NDRG2: variants seen among roughly 807,000 people sequenced by gnomAD.
NDRG2 encodes NDRG family member 2, also known as protein NDRG2.
Under a neutral mutation model 58.2 loss-of-function variants are expected in NDRG2, and 34 were observed. The observed-to-expected ratio is 0.58, with a 90% CI of 0.44 to 0.78. The LOEUF is 0.78. Ranked by LOEUF, NDRG2 falls within the 30% of genes least tolerant of loss-of-function variation. The probability of loss-of-function intolerance (pLI) is 0.00; values close to 1 mark genes in which losing one functional copy is unlikely to be tolerated. For synonymous variants in NDRG2, 187 were observed against 175.9 expected (o/e 1.06, Z -0.50); for missense variants, 434 against 471.2 (o/e 0.92, Z 0.73).
intron 13 of NDRG2, 53 bp from the exon 14 acceptor site, chr14:21,018,292 G>A: frequency 6.2e-7 from 1 of 1,612,016 alleles, no homozygotes; most frequent in Non-Finnish European, 8.5e-7. Context: ...AATGAGCCAT[G>A]CAGAGAGGTG....
chr14:21,018,769 A>G lies in NDRG2; in HGVS notation c.807T>C (p.Asp269=), dbSNP rs1217218506. ...CCCAAAATTCCCTACTAACCACTGC[A>G]TCTTCATGAGGTGCTTGGTCTCCTA... ...LVVGDQAPHE[D]AVVECNSKLD... The change falls in exon 12 of 16, where the codon GAT becomes GAC. Residue 269 remains aspartate (D), a synonymous_variant. Coordinates refer to ENST00000556147, the MANE Select transcript of NDRG2 (RefSeq NM_001320329.2). 6.2e-7 allele frequency: 1 copy of G among 1,614,102 alleles called. No individual in the cohort carries two copies. The highest frequency in any genetic ancestry group is 1.1e-5 in the South Asian group (1 of 91,084).
chr14:21,030,856 C>A (rs780896886), intron 1 of NDRG2: 20 of 1,513,456 alleles, frequency 1.3e-5, no homozygotes, highest in Non-Finnish European at 1.7e-5. Context: ...GCCTACCAAG[C>A]ACCACAGGGT....
chr14:21,056,133 A>T (rs1011862167), intron 1 of NDRG2, among the ~76,000 whole-genome samples: 1 of 152,126 alleles, frequency 6.6e-6, no homozygotes, highest in Non-Finnish European at 1.5e-5. Flanking sequence ...TTTGGAGAGC[A>T]CTTTATCCCA....
chr14:21,032,073 A>G, intron 1 of NDRG2: 1 of 1,611,208 alleles, frequency 6.2e-7, no homozygotes, highest in Non-Finnish European at 8.5e-7. Flanking sequence ...AAGAAGACCA[A>G]GTAGAGAGGA....
At chr14:21,034,384 A>G in intron 1 of NDRG2, 1 of 838,426 alleles carries the variant, frequency 1.2e-6, no homozygotes, top group Non-Finnish European at 1.9e-6. Flanking sequence ...CCAACCCAAC[A>G]GTACTTTAGA....
intron 1 of NDRG2, among the ~76,000 whole-genome samples, chr14:21,054,335 TACACAC>T (rs3061929): frequency 2.6e-3 from 386 of 150,018 alleles, no homozygotes; most frequent in African/African-American, 8.2e-3. Context: ...AAAGAGATAA[TACACAC>T]ACACACACAC....
chr14:21,020,654 A>G (rs1879656129), intron 7 of NDRG2, 72 bp from the exon 8 acceptor site: 2 of 1,577,496 alleles, frequency 1.3e-6, no homozygotes, highest in Non-Finnish European at 1.7e-6. Context: ...AGCTCGACCC[A>G]CTCCTGGACT....
In NDRG2 at chr14:21,017,542, G is replaced by A. The variant is rs1401277494; in HGVS notation, c.*54C>T. On this transcript the variant is annotated 3_prime_UTR_variant, in exon 16 of 16. Coordinates refer to ENST00000556147, the MANE Select transcript of NDRG2 (RefSeq NM_001320329.2). ...CCAATGCCCCTTCAGCACCTCCCAG[G>A]TTAGCTCTGGGGGAGGTGAGGGCTG... The A allele has an allele frequency of 2.5e-6, 4 of 1,570,382 alleles. No homozygotes were observed. The highest frequency in any genetic ancestry group is 1.3e-5 in the African/African-American group (1 of 74,280).
chr14:21,058,525 C>T lies in NDRG2; in HGVS notation c.24+12303G>A, dbSNP rs113660993. 2,979 of 604,024 alleles carry T rather than the reference C, an allele frequency of 4.9e-3. 66 individuals are homozygous for T. Among genetic ancestry groups the T allele is most frequent in the African/African-American group, 0.048 (2,577 of 54,036 alleles). The allele number at this position is 604,024 out of a possible 1,614,324, so 37.4% of individuals were successfully genotyped here. A position where few individuals can be genotyped will look rare whatever the true frequency, so the allele number is the denominator to read the frequency against. On this transcript the variant is annotated intron_variant, in intron 1 of 14. Coordinates refer to the NDRG2 transcript ENST00000403829. ...TAGGGAGTTTTACAGACGCTCCAAA[C>T]GATGAAAGAAGAGGGCAGATTCTCT...
At chr14:21,041,278 G>A (rs779655162) in intron 1 of NDRG2, among the ~76,000 whole-genome samples, 6 of 152,016 alleles carry the variant, frequency 3.9e-5, no homozygotes, top group Non-Finnish European at 7.4e-5. Flanking sequence ...TACAGGTGTG[G>A]GCCACCGTAC....
At chr14:21,025,116 C>T (rs923689487), upstream of NDRG2, 54 of 984,264 alleles carry the variant, frequency 5.5e-5, no homozygotes, top group East Asian at 5.4e-3. The surrounding 1 kb of genome is among the most constrained non-coding windows in gnomAD (Gnocchi z 5.1). Context: ...GCCCCCGGCC[C>T]GCCCCAGCCC....
intron 1 of NDRG2, chr14:21,023,616 C>T (rs1882087349): frequency 2.6e-6 from 1 of 377,562 alleles, no homozygotes; most frequent in African/African-American, 2.0e-5. Context: ...GACCAAAATA[C>T]CAGGGTGGGG....
At chr14:21,025,107 C>CCCCCGGCCCG (rs1883201016), upstream of NDRG2, 2 of 984,958 alleles carry the variant, frequency 2.0e-6, no homozygotes, top group Non-Finnish European at 2.4e-6. This position sits in a 1 kb window ranked among gnomAD's most constrained non-coding sequence, Gnocchi z 5.1. Context: ...CGCAGACCCG[C>CCCCCGGCCCG]CCCCGGCCCG....
chr14:21,020,379 C>A, intron 8 of NDRG2, 117 bp downstream of exon 8: 1 of 761,232 alleles, frequency 1.3e-6, no homozygotes, highest in Middle Eastern at 2.4e-4. Flanking sequence ...CTTTCCTGCC[C>A]CTTTACTCCC....
chr14:21,021,559 G>A, intron 6 of NDRG2: 1 of 498,408 alleles, frequency 2.0e-6, no homozygotes, highest in Middle Eastern at 5.3e-4. Flanking sequence ...GATCAGAGAA[G>A]GCCCTCCTTA....
chr14:21,037,006 A>G (rs1394439831), intron 1 of NDRG2, among the ~76,000 whole-genome samples: 3 of 152,066 alleles, frequency 2.0e-5, no homozygotes, highest in Non-Finnish European at 4.4e-5. Context: ...GAATCATGCC[A>G]CCTCTTCCCT....
chr14:21,022,078 G>C lies in NDRG2; in HGVS notation c.328C>G (p.Pro110Ala), dbSNP rs576619020. 2 of 1,614,108 alleles carry C rather than the reference G, an allele frequency of 1.2e-6. No homozygotes were observed. Among genetic ancestry groups the C allele is most frequent in the South Asian group, 2.2e-5 (2 of 91,078 alleles). Residue 110 changes from proline to alanine, a missense_variant, in exon 5 of 16, where the codon CCT becomes GCT. Pro to Ala is a conservative substitution (Grantham distance 27, BLOSUM62 -1). Transcript: ENST00000556147. ...VDAPGMEEGA[P>A]VFPLGYQYPS... ...AACTCTTACCCCAAAGGGAACACAG[G>C]GGCTCCCTCTTCCATTCCAGGGGCA...
chr14:21,036,085 G>T, intron 1 of NDRG2: 2 of 411,234 alleles, frequency 4.9e-6, no homozygotes, highest in East Asian at 7.1e-5. Flanking sequence ...ACCAGTGCCC[G>T]GCACATGGTG....
At chr14:21,020,055 G>T in intron 8 of NDRG2, 79 bp from the exon 9 acceptor site, 1 of 1,349,626 alleles carries the variant, frequency 7.4e-7, no homozygotes, top group Non-Finnish European at 1.1e-6. Context: ...CAGCACTTTG[G>T]GAGGCCGAGG....
Sources: gnomAD v4.1 joint callset for allele counts (sites outside exome capture counted in the v4.1 genomes callset) on GRCh38, gnomAD v4.1.1 for gene constraint, Gnocchi (gnomAD v3.1) non-coding constraint, MANE v1.5 for transcripts, NCBI Gene and HGNC (gene_info 2026-07-23, HGNC 2026-07-21) for gene names.